Variants in TTLL10 observed in about 807,000 individuals in gnomAD.
The protein encoded by TTLL10 is tubulin tyrosine ligase like 10.
Under a neutral mutation model 69.0 loss-of-function variants are expected in TTLL10, and 61 were observed. That is an observed-to-expected ratio of 0.88 (90% CI 0.72 to 1.09). The LOEUF (loss-of-function observed/expected upper bound fraction) is 1.09. TTLL10 is among the 50% of genes least tolerant of loss of function. The probability of loss-of-function intolerance (pLI) is 0.00; values close to 1 mark genes in which losing one functional copy is unlikely to be tolerated. For missense variants in TTLL10, 962 were observed against 945.9 expected, an observed-to-expected ratio of 1.02 and a Z score of -0.22; for synonymous variants, 408 against 393.3, an observed-to-expected ratio of 1.04 and a Z score of -0.44.
In TTLL10 at chr1:1,183,058, G is replaced by A. The variant is rs1297176681; in HGVS notation, c.1088+11G>A. The A allele has an allele frequency of 1.1e-5, 17 of 1,586,458 alleles. No individual in the cohort carries two copies. The highest frequency in any genetic ancestry group is 8.1e-5 in the African/African-American group (6 of 74,174). On this transcript the variant is annotated intron_variant, in intron 11 of 15. Coordinates refer to ENST00000379289, the MANE Select transcript of TTLL10 (RefSeq NM_001130045.2). ...GCGGGTGGTGCAGAGGTGCGGCGGC[G>A]GGTGCCCGGAGGGGTGAGGGTCTGG...
chr1:1,193,469 CTTT>C (rs531982531), intron 13 of TTLL10, among the ~76,000 whole-genome samples: 10 of 146,586 alleles, frequency 6.8e-5, no homozygotes, highest in Admixed American at 5.5e-4. Context: ...TCTAGTGTAG[CTTT>C]TTTTTTTTGA....
At chr1:1,187,415 A>G (rs910234077) in intron 13 of TTLL10, among the ~76,000 whole-genome samples, 3 of 152,146 alleles carry the variant, frequency 2.0e-5, no homozygotes, top group Non-Finnish European at 4.4e-5. Context: ...AGATCACCTG[A>G]GGTCAGGAGT....
intron 13 of TTLL10, among the ~76,000 whole-genome samples, chr1:1,188,298 G>A (rs1156833006): frequency 6.7e-6 from 1 of 150,194 alleles, no homozygotes; most frequent in African/African-American, 2.5e-5. Context: ...TTTCAATATT[G>A]TTCTTTTTCA....
rs765865903 is a variant in TTLL10, at chr1:1,180,269, T to C, written c.435T>C (p.Gly145=). The change falls in exon 6 of 16, where the codon GGT becomes GGC. Residue 145 remains glycine (G), a synonymous_variant. Coordinates refer to ENST00000379289, the MANE Select transcript of TTLL10 (RefSeq NM_001130045.2). ...AALLEGLLLG[G]GKPSPHSTRP... ...TCCTGGAGGGGCTCCTGCTGGGGGG[T>C]GGGAAGCCATCGCCCCACAGCACCC... 7.5e-6 allele frequency: 12 copies of C among 1,594,654 alleles called. No homozygotes were observed. The highest frequency in any genetic ancestry group is 1.0e-5 in the Non-Finnish European group (12 of 1,172,546).
At chr1:1,178,014 C>T (rs12097428) in intron 3 of TTLL10, among the ~76,000 whole-genome samples, 13,520 of 152,260 alleles carry the variant, frequency 0.089, 779 homozygotes, top group African/African-American at 0.16. Context: ...ATCGTGCAGA[C>T]GGCTGCCTCA....
chr1:1,180,310 T>A lies in TTLL10; in HGVS notation c.476T>A (p.Phe159Tyr), dbSNP rs775953265. 1.9e-6 allele frequency: 3 copies of A among 1,584,656 alleles called. No homozygotes were observed. The South Asian group carries it at 3.4e-5, about 18-fold the overall frequency. The stretch of plus-strand genomic sequence containing the variant: ...CACAGCACCCGGCCGGGGCCCTTCT[T>A]CTACATTGGAGGCAGCAACGGGGCC... ...SPHSTRPGPF[F>Y]YIGGSNGATI... Residue 159 changes from phenylalanine (F) to tyrosine (Y), a missense_variant, in exon 6 of 16, where the codon TTC becomes TAC. Transcript: ENST00000379289.
At chr1:1,195,183 G>T (rs903436106) in intron 13 of TTLL10, among the ~76,000 whole-genome samples, 1 of 152,156 alleles carries the variant, frequency 6.6e-6, no homozygotes, top group Non-Finnish European at 1.5e-5. Flanking sequence ...TAGAGACGAG[G>T]TTTCACAATG....
chr1:1,175,281 T>C (rs1020480753), intron 3 of TTLL10: 5 of 219,800 alleles, frequency 2.3e-5, no homozygotes, highest in Non-Finnish European at 4.5e-5. Context: ...CAGCTGCTGC[T>C]TCTTCTGCAG....
chr1:1,180,177 GGGCTCCTGAACAGCCACC>G lies in TTLL10; in HGVS notation c.347_364del (p.Leu116_Arg121del). On this transcript the variant is annotated inframe_deletion, in exon 6 of 16. Coordinates refer to ENST00000379289, the MANE Select transcript of TTLL10 (RefSeq NM_001130045.2). ...AGCCTCTGCCACACCCGGACCCCCT[GGGCTCCTGAACAGCCACC>G]GGCCTGCAGACTCGGATGACACTAA... The G allele has an allele frequency of 1.2e-6, 2 of 1,611,316 alleles. No homozygotes were observed. Among genetic ancestry groups the G allele is most frequent in the Non-Finnish European group, 1.7e-6 (2 of 1,179,406 alleles).
chr1:1,196,513 G>A, intron 13 of TTLL10, 87 bp from the exon 14 acceptor site: 2 of 983,010 alleles, frequency 2.0e-6, no homozygotes, highest in Non-Finnish European at 3.2e-6. Context: ...GGGAGTGCAG[G>A]TGAGGGATGT....
At chr1:1,186,782 A>AT (rs1281678286) in intron 13 of TTLL10, among the ~76,000 whole-genome samples, 1 of 152,060 alleles carries the variant, frequency 6.6e-6, no homozygotes, top group Non-Finnish European at 1.5e-5. Context: ...TCTTTAGAGA[A>AT]ATGTCTATTC....
intron 13 of TTLL10, among the ~76,000 whole-genome samples, chr1:1,190,184 T>C (rs1647651815): frequency 1.3e-5 from 2 of 151,808 alleles, no homozygotes; most frequent in Non-Finnish European, 2.9e-5. Context: ...AGTATTCCCT[T>C]GTCATCCTTT....
At chr1:1,191,915 C>T (rs1216801157) in intron 13 of TTLL10, among the ~76,000 whole-genome samples, 4 of 152,272 alleles carry the variant, frequency 2.6e-5, no homozygotes, top group African/African-American at 7.2e-5. Context: ...TTGTTTGTGG[C>T]TTAAGAACGC....
chr1:1,193,942 G>A (rs1648021083), intron 13 of TTLL10, among the ~76,000 whole-genome samples: 1 of 152,034 alleles, frequency 6.6e-6, no homozygotes, highest in South Asian at 2.1e-4. Context: ...AAGATCATAT[G>A]AGGCCAGGCA....
chr1:1,179,196 GC>G lies in TTLL10; in HGVS notation c.-17del. 6.6e-7 allele frequency: 1 copy of G among 1,522,948 alleles called. No individual in the cohort carries two copies. Among genetic ancestry groups the G allele is most frequent in the Non-Finnish European group, 8.8e-7 (1 of 1,132,878 alleles). The allele number at this position is 1,522,948 out of a possible 1,614,324, so 94.3% of individuals were successfully genotyped here. On this transcript the variant is annotated 5_prime_UTR_variant, in exon 4 of 16. Transcript: ENST00000379289. ...GCGGCATCTTCCCTTCAGGGCCCTC[GC>G]CCGGGCACCCCCCGGCCAATGGACC...
chr1:1,189,367 G>A (rs1013441506), intron 13 of TTLL10, among the ~76,000 whole-genome samples: 2 of 152,224 alleles, frequency 1.3e-5, no homozygotes, highest in Admixed American at 6.5e-5. Flanking sequence ...CCACTGAGAT[G>A]AGTGTGTCTT....
At chr1:1,186,850 G>GTT (rs35158481) in intron 13 of TTLL10, among the ~76,000 whole-genome samples, 26 of 140,318 alleles carry the variant, frequency 1.9e-4, no homozygotes, top group East Asian at 4.2e-4. Context: ...TTTGTTTTTT[G>GTT]TTTTTTTTTT....
intron 13 of TTLL10, among the ~76,000 whole-genome samples, chr1:1,191,079 CA>C (rs1647742960): frequency 6.6e-6 from 1 of 152,230 alleles, no homozygotes; most frequent in Admixed American, 6.5e-5. Flanking sequence ...ATCCGCCTGC[CA>C]AAGTGCTGGG....
At chr1:1,196,001 C>T (rs556006514) in intron 13 of TTLL10, among the ~76,000 whole-genome samples, 2 of 151,948 alleles carry the variant, frequency 1.3e-5, no homozygotes, top group Admixed American at 6.6e-5. Context: ...GTCTCAAACT[C>T]CTGAGCTCAA....
Sources: gnomAD v4.1 joint callset for allele counts (sites outside exome capture counted in the v4.1 genomes callset) on GRCh38, gnomAD v4.1.1 for gene constraint, MANE v1.5 for transcripts, NCBI Gene and HGNC (gene_info 2026-07-23, HGNC 2026-07-21) for gene names.